CFAP57: variants seen among roughly 807,000 people sequenced by gnomAD.
CFAP57 encodes cilia and flagella associated protein 57.
Under a neutral mutation model 146.8 loss-of-function variants are expected in CFAP57, and 116 were observed. That is an observed-to-expected ratio of 0.79 (90% CI 0.68 to 0.92). The LOEUF is 0.92. CFAP57 is among the 40% of genes least tolerant of loss of function. The pLI is 0.00. For synonymous variants in CFAP57, 518 were observed against 552.8 expected (o/e 0.94, Z 0.88); for missense variants, 1,377 against 1,527.2 (o/e 0.90, Z 1.64).
chr1:43,221,822 TCA>T (rs889894269), intron 14 of CFAP57, among the ~76,000 whole-genome samples: 2 of 152,208 alleles, frequency 1.3e-5, no homozygotes, highest in African/African-American at 4.8e-5. Flanking sequence ...TACTTATTTT[TCA>T]CACTCAGGAT....
At chr1:43,205,859 C>T (rs1381971257) in intron 9 of CFAP57, among the ~76,000 whole-genome samples, 20 of 152,198 alleles carry the variant, frequency 1.3e-4, no homozygotes. Context: ...GTTTCTGGAG[C>T]TGAGGCCGTA....
At chr1:43,219,057 T>C (rs1644945493) in intron 12 of CFAP57, among the ~76,000 whole-genome samples, 1 of 152,134 alleles carries the variant, frequency 6.6e-6, no homozygotes, top group South Asian at 2.1e-4. Context: ...AGGTGATGGG[T>C]CCTGGGAATG....
intron 22 of CFAP57, 32 bp from the exon 23 acceptor site, chr1:43,253,945 C>T: frequency 6.5e-7 from 1 of 1,541,720 alleles, no homozygotes; most frequent in Non-Finnish European, 8.8e-7. Flanking sequence ...GTGCAATGGA[C>T]AGGCCCACAT....
intron 12 of CFAP57, among the ~76,000 whole-genome samples, chr1:43,216,624 C>T (rs1351226807): frequency 6.6e-6 from 1 of 152,130 alleles, no homozygotes; most frequent in African/African-American, 2.4e-5. Flanking sequence ...TATACCGCTC[C>T]TTCTTGAAAC....
At chr1:43,185,495 G>C in intron 5 of CFAP57, 139 bp downstream of exon 5, 2 of 795,814 alleles carry the variant, frequency 2.5e-6, no homozygotes, top group South Asian at 2.9e-5. Flanking sequence ...GGTGACTCGA[G>C]ATGTCTGTCC....
intron 22 of CFAP57, among the ~76,000 whole-genome samples, chr1:43,251,719 C>A (rs1005328773): frequency 1.1e-4 from 16 of 152,188 alleles, no homozygotes; most frequent in Non-Finnish European, 1.9e-4. Context: ...TTATATAAAT[C>A]ATAATTAAAT....
At chr1:43,176,267 G>A (rs965480374) in intron 2 of CFAP57, among the ~76,000 whole-genome samples, 2 of 152,138 alleles carry the variant, frequency 1.3e-5, no homozygotes, top group Admixed American at 6.5e-5. Context: ...TCTAGAAGAG[G>A]CAGGACAAAC....
intron 6 of CFAP57, among the ~76,000 whole-genome samples, chr1:43,193,414 GT>G (rs930552943): frequency 3.4e-4 from 52 of 152,030 alleles, no homozygotes; most frequent in African/African-American, 1.2e-3. Flanking sequence ...GTATCATGGG[GT>G]TTTTGTTCTT....
intron 2 of CFAP57, among the ~76,000 whole-genome samples, chr1:43,175,312 T>G (rs920076424): frequency 6.6e-6 from 1 of 151,892 alleles, no homozygotes; most frequent in Non-Finnish European, 1.5e-5. Context: ...TATGTACATG[T>G]ATATATACAT....
chr1:43,172,991 A>G (rs1291885732), intron 2 of CFAP57, 81 bp downstream of exon 2: 1 of 1,401,806 alleles, frequency 7.1e-7, no homozygotes, highest in African/African-American at 1.4e-5. Flanking sequence ...ATGATTGGAA[A>G]GAAAGATTTT....
chr1:43,183,650 G>T lies in CFAP57; in HGVS notation c.534G>T (p.Lys178Asn). Residue 178 changes from lysine (K) to asparagine (N), a missense_variant, in exon 4 of 23, where the codon AAG (lysine) becomes AAT (asparagine). Lys to Asn is a moderately conservative substitution (Grantham distance 94). Coordinates refer to ENST00000372492, the MANE Select transcript of CFAP57 (RefSeq NM_001378189.1). Reference sequence around the variant, plus strand: ...GTGTCACTGGAAATGGGATGTTTAAGCTTCTCCGTTTTGCTGAGGGAACCC... The same window carrying T: ...GTGTCACTGGAAATGGGATGTTTAATCTTCTCCGTTTTGCTGAGGGAACCC... ...QVCVTGNGMF[K>N]LLRFAEGTLK... The T allele has an allele frequency of 6.2e-7, 1 of 1,614,162 alleles. No individual in the cohort carries two copies. The highest frequency in any genetic ancestry group is 8.5e-7 in the Non-Finnish European group (1 of 1,180,022).
Position 43,209,553 on chromosome 1 carries a change from A to G in CFAP57, c.1756-190A>G, listed in dbSNP as rs145500329. ...AACCTGGTTATTTACCAGCAACACA[A>G]CAAGGAATATCTAGTTTGCGCCTTT... On this transcript the variant is annotated intron_variant, in intron 10 of 22. Coordinates refer to ENST00000372492, the MANE Select transcript of CFAP57 (RefSeq NM_001378189.1). Among the ~76,000 whole-genome samples the G allele has an allele frequency of 2.6e-3, 397 of 152,310 alleles. 11 individuals are homozygous for G. The East Asian group carries it at 0.063, about 24-fold the overall frequency.
rs1333108995 is a variant in CFAP57 at position 43,199,503 on chromosome 1, G to GGTAA, written c.1542+3_1542+6dup. 5.0e-6 allele frequency: 8 copies of GGTAA among 1,614,020 alleles called. No homozygotes were observed. The highest frequency in any genetic ancestry group is 6.8e-6 in the Non-Finnish European group (8 of 1,179,992). On this transcript the variant is annotated frameshift_variant and splice_region_variant. Transcript: ENST00000372492. LOFTEE classifies it high-confidence loss of function. ...CAAGCCTGAAAGGACACACAGGGAAGGTAAGTGAGTGAACAGTCTCTGGGG... is the reference window on the plus strand; with the variant it reads ...CAAGCCTGAAAGGACACACAGGGAAGGTAAGTAAGTGAGTGAACAGTCTCTGGGG...
chr1:43,172,349 T>A lies in CFAP57; in HGVS notation c.-124T>A. On this transcript the variant is annotated 5_prime_UTR_variant, in exon 1 of 23. Coordinates refer to ENST00000372492, the MANE Select transcript of CFAP57 (RefSeq NM_001378189.1). ...AACCATACTTCCGGTTTGTCGTTGC[T>A]ATAGGAACCGCTACGGCGTTTGAAA... 1.3e-6 allele frequency: 2 copies of A among 1,551,586 alleles called. No homozygotes were observed. Among genetic ancestry groups the A allele is most frequent in the Non-Finnish European group, 1.7e-6 (2 of 1,146,984 alleles).
chr1:43,179,011 C>T (rs1363131850), intron 2 of CFAP57, among the ~76,000 whole-genome samples: 1 of 152,130 alleles, frequency 6.6e-6, no homozygotes, highest in Admixed American at 6.5e-5. Context: ...TGGAAACCAT[C>T]ATTCTGAGCA....
intron 2 of CFAP57, among the ~76,000 whole-genome samples, chr1:43,179,380 A>C (rs892938169): frequency 1.3e-5 from 2 of 152,254 alleles, no homozygotes; most frequent in Non-Finnish European, 2.9e-5. Flanking sequence ...AGCATTTTAC[A>C]AACTCTAAAA....
intron 21 of CFAP57, among the ~76,000 whole-genome samples, chr1:43,241,336 A>G (rs559156475): frequency 6.6e-6 from 1 of 152,294 alleles, no homozygotes; most frequent in African/African-American, 2.4e-5. Context: ...TATTGTAAGG[A>G]ATACTGAAAT....
intron 3 of CFAP57, among the ~76,000 whole-genome samples, chr1:43,183,010 G>A (rs905169671): frequency 2.0e-5 from 3 of 152,210 alleles, no homozygotes; most frequent in Admixed American, 6.5e-5. Context: ...CACAGCCCCC[G>A]GTCAGCCGCT....
At position 43,206,714 on chromosome 1, in the gene CFAP57, C is replaced by T. The variant is rs951400732; in HGVS notation, c.1543-6C>T. 8.1e-6 allele frequency: 13 copies of T among 1,613,804 alleles called. No homozygotes were observed. The Admixed American group carries it at 1.5e-4, about 19-fold the overall frequency. On this transcript the variant is annotated splice_region_variant and splice_polypyrimidine_tract_variant and intron_variant, in intron 9 of 22. Coordinates refer to ENST00000372492, the MANE Select transcript of CFAP57 (RefSeq NM_001378189.1). ...TCTTCACTGGATATGTCTTCCTCTC[C>T]TGCAGATTCGCTCAATTGTGTGGAA...
Sources: allele counts gnomAD v4.1 joint callset (sites outside exome capture counted in the v4.1 genomes callset), GRCh38; gene constraint gnomAD v4.1.1; transcripts MANE v1.5; gene names NCBI Gene and HGNC (gene_info 2026-07-23, HGNC 2026-07-21).